LRP1B: variants seen among roughly 807,000 people sequenced by gnomAD.
LRP1B encodes low-density lipoprotein receptor-related protein 1B.
Under a neutral mutation model 556.6 loss-of-function variants are expected in LRP1B, and 217 were observed. The ratio of observed to expected loss-of-function variants is 0.39; its 90% CI spans 0.35 to 0.44. The LOEUF is 0.44. LRP1B is among the 20% of genes least tolerant of loss of function. The pLI is 1.00. For synonymous variants in LRP1B, 2,047 were observed against 1,865.8 expected, an observed-to-expected ratio of 1.10 and a Z score of -2.50; for missense variants, 5,053 against 5,620.8, an observed-to-expected ratio of 0.90 and a Z score of 3.23.
At chr2:140,261,614 G>C (rs1681944871) in intron 86 of LRP1B, among the ~76,000 whole-genome samples, 1 of 151,790 alleles carries the variant, frequency 6.6e-6, no homozygotes, top group East Asian at 1.9e-4. Context: ...AACGGTGTTG[G>C]TTAAAGTAGA....
At chr2:141,276,723 C>A (rs1291181634) in intron 3 of LRP1B, among the ~76,000 whole-genome samples, 1 of 141,076 alleles carries the variant, frequency 7.1e-6, no homozygotes, top group Non-Finnish European at 1.5e-5. Context: ...GTGGCAAGAT[C>A]TTGGCTCACT....
intron 20 of LRP1B, among the ~76,000 whole-genome samples, chr2:140,942,235 A>G (rs767101): frequency 2.0e-5 from 3 of 152,172 alleles, no homozygotes; most frequent in African/African-American, 7.2e-5. Context: ...CAGTCACGCA[A>G]AAATAAAGAA....
intron 32 of LRP1B, among the ~76,000 whole-genome samples, chr2:140,786,208 T>C (rs887907083): frequency 2.0e-5 from 3 of 152,226 alleles, no homozygotes; most frequent in African/African-American, 7.2e-5. Context: ...TGCTCTGTGT[T>C]CCAGGAATAT....
intron 3 of LRP1B, among the ~76,000 whole-genome samples, chr2:141,398,726 G>A (rs1011709458): frequency 8.5e-5 from 13 of 152,112 alleles, no homozygotes; most frequent in Admixed American, 8.5e-4. Context: ...CCGCTATTAG[G>A]CAGAAACCGG....
intron 1 of LRP1B, among the ~76,000 whole-genome samples, chr2:142,076,321 T>C (rs1164496092): frequency 6.6e-6 from 1 of 152,102 alleles, no homozygotes; most frequent in Non-Finnish European, 1.5e-5. Flanking sequence ...GGAAAATAAC[T>C]ATTCACACCA....
At chr2:140,763,962 C>T (rs950006692) in intron 35 of LRP1B, among the ~76,000 whole-genome samples, 1 of 152,058 alleles carries the variant, frequency 6.6e-6, no homozygotes, top group African/African-American at 2.4e-5. Flanking sequence ...TGAAGCAGCT[C>T]TAAAATTCAC....
intron 1 of LRP1B, among the ~76,000 whole-genome samples, chr2:142,119,532 A>G (rs1707381722): frequency 6.6e-6 from 1 of 152,184 alleles, no homozygotes; most frequent in African/African-American, 2.4e-5. Context: ...TGGGAGAGAA[A>G]GCACCAAAAG....
chr2:140,266,620 G>A (rs1682214474), intron 86 of LRP1B, among the ~76,000 whole-genome samples: 1 of 151,582 alleles, frequency 6.6e-6, no homozygotes, highest in South Asian at 2.1e-4. Context: ...AGCTACCTTG[G>A]CCTTTTATTT....
In LRP1B at chr2:141,015,764, T is replaced by A. The variant is rs1002636441; in HGVS notation, c.2122A>T (p.Thr708Ser). The change falls in exon 13 of 91, where the codon ACA becomes TCA. Residue 708 changes from threonine to serine, a missense_variant. Coordinates refer to ENST00000389484, the MANE Select transcript of LRP1B (RefSeq NM_018557.3). ...NGLTLDFHTN[T>S]LYWCDAYYDH... is the part of the protein sequence containing the mutation. ...TAATAGGCATCACACCAGTATAATG[T>A]GTTGGTGTGAAAGTCCAGAGTTAAA... The A allele has an allele frequency of 6.2e-7, 1 of 1,613,576 alleles. No homozygotes were observed. The highest frequency in any genetic ancestry group is 1.7e-5 in the Admixed American group (1 of 59,934).
chr2:140,633,506 A>G, intron 41 of LRP1B, among the ~76,000 whole-genome samples: 1 of 152,088 alleles, frequency 6.6e-6, no homozygotes, highest in Non-Finnish European at 1.5e-5. Context: ...AAAAACAGGA[A>G]AACAATAGAG....
chr2:141,111,085 C>T (rs1329532250), intron 7 of LRP1B, among the ~76,000 whole-genome samples: 1 of 151,966 alleles, frequency 6.6e-6, no homozygotes, highest in Non-Finnish European at 1.5e-5. Context: ...TCCTTGTGAT[C>T]GTGGGATAAG....
At chr2:141,461,336 T>TGG (rs1681862606) in intron 3 of LRP1B, among the ~76,000 whole-genome samples, 2 of 152,102 alleles carry the variant, frequency 1.3e-5, no homozygotes, top group Non-Finnish European at 2.9e-5. Context: ...GTTATACCAA[T>TGG]ACAGATACTA....
At chr2:141,489,875 T>G (rs1382133178) in intron 2 of LRP1B, among the ~76,000 whole-genome samples, 5 of 152,168 alleles carry the variant, frequency 3.3e-5, no homozygotes, top group African/African-American at 1.2e-4. Flanking sequence ...AATAAGAACC[T>G]CTAAAGATTC....
chr2:141,045,099 G>C, intron 11 of LRP1B, among the ~76,000 whole-genome samples: 1 of 148,192 alleles, frequency 6.7e-6, no homozygotes, highest in Non-Finnish European at 1.5e-5. Context: ...CATAAAAAAT[G>C]ATGAGTTCAT....
intron 3 of LRP1B, among the ~76,000 whole-genome samples, chr2:141,346,993 G>A (rs534422501): frequency 7.3e-5 from 11 of 151,440 alleles, no homozygotes; most frequent in African/African-American, 1.5e-4. Flanking sequence ...ATCTTTAACC[G>A]GAATAAAAAT....
At chr2:140,514,032 C>T (rs1689776373) in intron 51 of LRP1B, among the ~76,000 whole-genome samples, 1 of 151,894 alleles carries the variant, frequency 6.6e-6, no homozygotes, top group Non-Finnish European at 1.5e-5. Context: ...TTCTATTTAA[C>T]TATTTGTTAA....
At chr2:141,537,867 A>G (rs1685119332) in intron 2 of LRP1B, among the ~76,000 whole-genome samples, 1 of 152,092 alleles carries the variant, frequency 6.6e-6, no homozygotes, top group Non-Finnish European at 1.5e-5. Context: ...TTCTATAAAT[A>G]TATACCTTTT....
chr2:141,768,022 T>C (rs1362041272), intron 2 of LRP1B, among the ~76,000 whole-genome samples: 2 of 152,192 alleles, frequency 1.3e-5, no homozygotes, highest in Non-Finnish European at 2.9e-5. Context: ...TATAACTTTC[T>C]GATCTTCTTG....
intron 43 of LRP1B, among the ~76,000 whole-genome samples, chr2:140,565,327 C>G (rs935040418): frequency 6.6e-6 from 1 of 151,424 alleles, no homozygotes; most frequent in Non-Finnish European, 1.5e-5. Flanking sequence ...TTATTGGCCA[C>G]AGCATATTTT....
Sources: gnomAD v4.1 joint callset for allele counts (sites outside exome capture counted in the v4.1 genomes callset) on GRCh38, gnomAD v4.1.1 for gene constraint, MANE v1.5 for transcripts, NCBI Gene and HGNC (gene_info 2026-07-23, HGNC 2026-07-21) for gene names.